CFHR4: variants seen among roughly 807,000 people sequenced by gnomAD.
CFHR4 encodes complement factor H-related protein 4.
In CFHR4, 64 loss-of-function variants were observed where a neutral mutation model predicts 69.3. The observed-to-expected ratio is 0.92, with a 90% CI of 0.76 to 1.14. CFHR4 has a LOEUF of 1.14. CFHR4 is among the 50% of genes most tolerant of loss of function. The probability of loss-of-function intolerance (pLI) is 0.00; values close to 1 mark genes in which losing one functional copy is unlikely to be tolerated. For missense variants in CFHR4, 636 were observed against 684.9 expected, an observed-to-expected ratio of 0.93 and a Z score of 0.80; for synonymous variants, 244 against 237.0, an observed-to-expected ratio of 1.03 and a Z score of -0.27.
chr1:196,901,511 T>G (rs963275343), intron 1 of CFHR4, among the ~76,000 whole-genome samples: 1 of 151,286 alleles, frequency 6.6e-6, no homozygotes, highest in Admixed American at 6.6e-5. Flanking sequence ...GTGTGTGTGG[T>G]GCATATGTTG....
At chr1:196,890,229 T>C (rs1470193717) in intron 1 of CFHR4, among the ~76,000 whole-genome samples, 2 of 151,610 alleles carry the variant, frequency 1.3e-5, no homozygotes, top group African/African-American at 2.4e-5. Context: ...TTGAATACTT[T>C]ATGTTTATAT....
intron 1 of CFHR4, 35 bp from the exon 2 acceptor site, chr1:196,902,383 C>T (rs769627887): frequency 2.2e-6 from 3 of 1,382,194 alleles, no homozygotes; most frequent in Admixed American, 1.9e-5. Flanking sequence ...TATAGAAAAA[C>T]ATTATTTATA....
In CFHR4 at chr1:196,900,902, T is replaced by C. The variant is rs989046412; in HGVS notation, c.59-1516T>C. Among the ~76,000 whole-genome samples the C allele has an allele frequency of 7.3e-5, 11 of 151,422 alleles. No homozygotes were observed. The South Asian group carries it at 1.7e-3, about 23-fold the overall frequency. On this transcript the variant is annotated intron_variant, in intron 1 of 9. Coordinates refer to ENST00000608469, the MANE Select transcript of CFHR4 (RefSeq NM_001201550.3). ...GATATGGATATAGGCCAAGAAACTA[T>C]ACAAAGACAAGTTATTGTTCCCAGG...
chr1:196,908,351 A>G (rs915841857), intron 5 of CFHR4, among the ~76,000 whole-genome samples: 12 of 151,466 alleles, frequency 7.9e-5, no homozygotes, highest in Non-Finnish European at 5.9e-5. Flanking sequence ...AAAACCTGAA[A>G]TGCTTCCTGA....
chr1:196,903,503 A>G (rs1326760467), intron 2 of CFHR4, among the ~76,000 whole-genome samples: 1 of 150,956 alleles, frequency 6.6e-6, no homozygotes, highest in African/African-American at 2.5e-5. Flanking sequence ...AAATACAAAA[A>G]TTAGCCGTGT....
At chr1:196,911,794 T>C (rs1558249039) in intron 6 of CFHR4, among the ~76,000 whole-genome samples, 1 of 151,522 alleles carries the variant, frequency 6.6e-6, no homozygotes, top group African/African-American at 2.4e-5. Context: ...ATAAATATTG[T>C]TGTGTGTCAA....
intron 9 of CFHR4, among the ~76,000 whole-genome samples, chr1:196,917,374 C>T (rs1264705456): frequency 6.6e-6 from 1 of 151,698 alleles, no homozygotes; most frequent in African/African-American, 2.4e-5. Flanking sequence ...CACACATTTA[C>T]CTATGGAACA....
At chr1:196,913,048 C>G (rs1658367280) in intron 7 of CFHR4, 126 bp downstream of exon 7, 1 of 1,483,840 alleles carries the variant, frequency 6.7e-7, no homozygotes, top group South Asian at 1.3e-5. Context: ...CTTCTAAAAC[C>G]ATTCAACATT....
At chr1:196,903,442 G>T (rs1199440756) in intron 2 of CFHR4, among the ~76,000 whole-genome samples, 1 of 150,780 alleles carries the variant, frequency 6.6e-6, no homozygotes, top group African/African-American at 2.5e-5. Flanking sequence ...CACTTTAGGT[G>T]AGGAGTTCAA....
At chr1:196,894,472 A>T (rs1284153757) in intron 1 of CFHR4, among the ~76,000 whole-genome samples, 2 of 151,560 alleles carry the variant, frequency 1.3e-5, no homozygotes, top group East Asian at 3.9e-4. Context: ...TCTATTAGAC[A>T]TTTCTTGAAA....
At chr1:196,908,912 G>A (rs1377526954) in intron 5 of CFHR4, among the ~76,000 whole-genome samples, 1 of 151,266 alleles carries the variant, frequency 6.6e-6, no homozygotes, top group Non-Finnish European at 1.5e-5. Context: ...GACTGATGAT[G>A]CTGATATTTT....
At position 196,910,289 on chromosome 1, in the gene CFHR4, C is replaced by A. The variant is rs1466585259; in HGVS notation, c.808C>A (p.Pro270Thr). The part of the protein sequence containing the change: ...SEPPRCISMK[P>T]CEFPEIQHGH... ...TTGTTTTTTGTTACAAGCAATGAAA[C>A]CTTGTGAGTTTCCAGAAATTCAACA... The change falls in exon 6 of 10, where the codon CCT (proline) becomes ACT (threonine). Residue 270 changes from proline (P) to threonine (T), a missense_variant. By Grantham distance (38) the Pro-to-Thr change is conservative. Transcript: ENST00000608469. 1 of 1,587,200 alleles carries A rather than the reference C, an allele frequency of 6.3e-7. No homozygotes were observed. The highest frequency in any genetic ancestry group is 1.7e-5 in the Admixed American group (1 of 58,926).
chr1:196,912,692 G>C (rs1389912303), intron 6 of CFHR4, 48 bp from the exon 7 acceptor site: 9 of 1,492,798 alleles, frequency 6.0e-6, no homozygotes, highest in Non-Finnish European at 8.1e-6. Flanking sequence ...TCCTATAAAA[G>C]AAGTATTCAA....
chr1:196,911,233 G>A (rs1658255628), intron 6 of CFHR4, among the ~76,000 whole-genome samples: 1 of 151,462 alleles, frequency 6.6e-6, no homozygotes, highest in Non-Finnish European at 1.5e-5. Context: ...AGTTCCAAAT[G>A]TGTCTGAATA....
Position 196,893,281 on chromosome 1 carries a change from A to G in CFHR4, c.58+5073A>G, listed in dbSNP as rs1287879305. On this transcript the variant is annotated intron_variant, in intron 1 of 9. Coordinates refer to ENST00000608469, the MANE Select transcript of CFHR4 (RefSeq NM_001201550.3). ...ATATTTCAAAACACTTACGAAGGGG[A>G]GCAAGTTAGCTTTTGATGAGGACTG... Among the ~76,000 whole-genome samples, 9 of 151,778 alleles carry G rather than the reference A, an allele frequency of 5.9e-5. 1 individual carries two copies. The East Asian group carries it at 1.7e-3, about 29-fold the overall frequency.
intron 3 of CFHR4, among the ~76,000 whole-genome samples, chr1:196,905,646 T>C (rs1364707142): frequency 1.3e-5 from 2 of 151,518 alleles, no homozygotes; most frequent in African/African-American, 4.9e-5. Context: ...CAACTGCTTG[T>C]ATTGTATTCC....
At chr1:196,895,664 A>G (rs1657256753) in intron 1 of CFHR4, among the ~76,000 whole-genome samples, 1 of 150,660 alleles carries the variant, frequency 6.6e-6, no homozygotes, top group African/African-American at 2.5e-5. Flanking sequence ...ATCATACATC[A>G]TTTTCTTTCT....
At chr1:196,918,107 A>T (rs1410948139) in intron 9 of CFHR4, 103 bp from the exon 10 acceptor site, 49 of 1,204,158 alleles carry the variant, frequency 4.1e-5, no homozygotes, top group Non-Finnish European at 5.4e-5. Flanking sequence ...TATTTGGATT[A>T]TTTTATAATT....
At chr1:196,901,452 T>C (rs1657596678) in intron 1 of CFHR4, among the ~76,000 whole-genome samples, 1 of 151,174 alleles carries the variant, frequency 6.6e-6, no homozygotes, top group African/African-American at 2.4e-5. Flanking sequence ...AGAAAGACAA[T>C]AAACCAGTGG....
Sources: gnomAD v4.1 joint callset for allele counts (sites outside exome capture counted in the v4.1 genomes callset) on GRCh38, gnomAD v4.1.1 for gene constraint, MANE v1.5 for transcripts, NCBI Gene and HGNC (gene_info 2026-07-23, HGNC 2026-07-21) for gene names.